MARCO: variants seen among roughly 807,000 people sequenced by gnomAD.
MARCO encodes macrophage receptor with collagenous structure.
Under a neutral mutation model 70.0 loss-of-function variants are expected in MARCO, and 72 were observed. That is an observed-to-expected ratio of 1.03 (90% confidence interval 0.85 to 1.25). The LOEUF is 1.25. Ranked by LOEUF, MARCO falls within the 50% of genes most tolerant of loss-of-function variation. The pLI, the probability that MARCO is intolerant of heterozygous loss-of-function variation, is 0.00. For missense variants in MARCO, 696 were observed against 659.3 expected (o/e 1.06, Z -0.61); for synonymous variants, 273 against 243.1 (o/e 1.12, Z -1.14).
At position 118,989,105 on chromosome 2, in the gene MARCO, C is replaced by T. The variant is rs542187651; in HGVS notation, c.1064-1484C>T. 3.1e-4 allele frequency among the ~76,000 whole-genome samples: 47 copies of T among 152,312 alleles called. 1 individual carries two copies. The highest frequency in any genetic ancestry group is 1.7e-3 in the South Asian group (8 of 4,822). On this transcript the variant is annotated intron_variant, in intron 12 of 16. Transcript: ENST00000327097. Reference sequence around the variant, plus strand: ...CTTTGGAACCACTTTGCTTTACTGCCTTGGGAGAAAGGATATCTTGTCTTG... The same window carrying T: ...CTTTGGAACCACTTTGCTTTACTGCTTTGGGAGAAAGGATATCTTGTCTTG...
At position 118,986,729 on chromosome 2, in the gene MARCO, A is replaced by AGG. The variant is rs375588236; in HGVS notation, c.1064-3859_1064-3858insGG. 5.3e-3 allele frequency among the ~76,000 whole-genome samples: 673 copies of AGG among 126,180 alleles called. 91 individuals are homozygous for AGG. The highest frequency in any genetic ancestry group is 0.023 in the African/African-American group (645 of 28,216). 82.8% of individuals were successfully genotyped at this position (126,180 alleles called of 152,430 possible). On this transcript the variant is annotated intron_variant, in intron 12 of 16. Transcript: ENST00000327097. Reference sequence around the variant, plus strand: ...AGAAAGAAAGAAAGAAAGAAAAGAAAGAAAGAAAGAGAAAGAAAGAGAAAG... The same window carrying AGG: ...AGAAAGAAAGAAAGAAAGAAAAGAAAGGGAAAGAAAGAGAAAGAAAGAGAAAG...
chr2:118,966,341 C>T (rs1680046914), intron 1 of MARCO, among the ~76,000 whole-genome samples: 1 of 152,096 alleles, frequency 6.6e-6, no homozygotes, highest in Admixed American at 6.5e-5. Flanking sequence ...CTGTTTTTAT[C>T]CTCTCATGTC....
At position 118,977,871 on chromosome 2, in the gene MARCO, G is replaced by T. The variant is rs779048147; in HGVS notation, c.702G>T (p.Gly234=). Residue 234 remains glycine, a synonymous_variant, in exon 8 of 17, where the codon GGG becomes GGT. Transcript: ENST00000327097. ...GAGAGAAGGGCAGCAAAGGCGATGGGGGTCTCATTGGCCCAAAAGGGGAAA... is the reference window on the plus strand; with the variant it reads ...GAGAGAAGGGCAGCAAAGGCGATGGTGGTCTCATTGGCCCAAAAGGGGAAA... ...PQGEKGSKGD[G]GLIGPKGETG... 4 of 1,613,066 alleles carry T rather than the reference G, an allele frequency of 2.5e-6. No individual in the cohort carries two copies. The South Asian group carries it at 4.4e-5, about 18-fold the overall frequency.
intron 4 of MARCO, among the ~76,000 whole-genome samples, chr2:118,972,362 A>G (rs1168685207): frequency 6.6e-6 from 1 of 152,180 alleles, no homozygotes; most frequent in Non-Finnish European, 1.5e-5. Context: ...GTCCCATAAT[A>G]TTTCAAGGAT....
intron 12 of MARCO, among the ~76,000 whole-genome samples, chr2:118,983,845 A>G (rs1573404429): frequency 6.6e-6 from 1 of 152,098 alleles, no homozygotes; most frequent in East Asian, 1.9e-4. Context: ...TCAACTAACC[A>G]AGAGTATTGG....
chr2:118,952,181 G>T (rs1179462716), intron 1 of MARCO, among the ~76,000 whole-genome samples: 1 of 152,094 alleles, frequency 6.6e-6, no homozygotes, highest in African/African-American at 2.4e-5. Flanking sequence ...TTTGCAGAAG[G>T]TTCAACCCCT....
chr2:118,993,045 A>C, intron 15 of MARCO, 79 bp from the exon 16 acceptor site: 1 of 1,261,288 alleles, frequency 7.9e-7, no homozygotes, highest in Non-Finnish European at 1.1e-6. Flanking sequence ...AGAACTCCAA[A>C]ATGAAAAGAA....
chr2:118,949,038 G>C (rs1487738380), intron 1 of MARCO, among the ~76,000 whole-genome samples: 2 of 152,204 alleles, frequency 1.3e-5, no homozygotes, highest in Non-Finnish European at 2.9e-5. Context: ...AGGAATGCCA[G>C]ATTTTTCCCC....
intron 1 of MARCO, among the ~76,000 whole-genome samples, chr2:118,957,621 A>G (rs879796482): frequency 3.3e-5 from 5 of 152,122 alleles, no homozygotes; most frequent in African/African-American, 4.8e-5. Flanking sequence ...CTATTCCACA[A>G]GACAGAGAAA....
chr2:118,974,273 A>G (rs1176108526), intron 4 of MARCO, 60 bp from the exon 5 acceptor site: 3 of 962,338 alleles, frequency 3.1e-6, no homozygotes, highest in Non-Finnish European at 4.9e-6. Flanking sequence ...AAGTGATTGC[A>G]TGGCGTTGTT....
At chr2:118,991,288 C>A (rs899385792) in intron 13 of MARCO, among the ~76,000 whole-genome samples, 5 of 139,000 alleles carry the variant, frequency 3.6e-5, no homozygotes, top group Non-Finnish European at 7.7e-5. Context: ...GAGACAAATT[C>A]TCTGTGTCAC....
intron 12 of MARCO, among the ~76,000 whole-genome samples, chr2:118,983,311 G>A (rs148100991): frequency 1.2e-4 from 18 of 147,862 alleles, no homozygotes; most frequent in Admixed American, 2.0e-4. Context: ...CCTCACCCCC[G>A]TGCTGTGCTA....
At chr2:118,967,225 G>C (rs1680068929) in intron 1 of MARCO, among the ~76,000 whole-genome samples, 1 of 152,232 alleles carries the variant, frequency 6.6e-6, no homozygotes, top group Admixed American at 6.5e-5. Context: ...TCCTGAAGCA[G>C]GACGGGCTCT....
chr2:118,959,970 G>A (rs899634483), intron 1 of MARCO, among the ~76,000 whole-genome samples: 3 of 151,786 alleles, frequency 2.0e-5, no homozygotes, highest in East Asian at 1.9e-4. Flanking sequence ...AGAGTGGGAG[G>A]GTGGTGACGG....
chr2:118,983,019 C>T (rs900809927), intron 12 of MARCO, among the ~76,000 whole-genome samples: 1 of 152,204 alleles, frequency 6.6e-6, no homozygotes, highest in Non-Finnish European at 1.5e-5. Context: ...AAAGTCCAGA[C>T]CACTATCACA....
rs114209923 is a variant in MARCO at position 118,991,966 on chromosome 2, G to A, written c.1207+91G>A. The stretch of plus-strand genomic sequence containing the variant: ...AAATAGGAAAGGCGCTGTTTTAAGA[G>A]TTCTGGGGATTTTCAGAACCCAGGA... On this transcript the variant is annotated intron_variant, in intron 14 of 16. Coordinates refer to ENST00000327097, the MANE Select transcript of MARCO (RefSeq NM_006770.4). 1,367 of 936,468 alleles carry A rather than the reference G, an allele frequency of 1.5e-3. 13 individuals are homozygous for A. In the African/African-American group the frequency reaches 0.017, roughly 11 times the overall value. 58.0% of individuals were successfully genotyped at this position (936,468 alleles called of 1,614,324 possible).
intron 1 of MARCO, among the ~76,000 whole-genome samples, chr2:118,953,274 A>G (rs1573377003): frequency 1.3e-5 from 2 of 152,238 alleles, no homozygotes; most frequent in South Asian, 4.1e-4. Context: ...CTTAACAAAG[A>G]GTTATTAACA....
At position 118,969,280 on chromosome 2, in the gene MARCO, T is replaced by C; in HGVS notation, c.199+19T>C. The C allele has an allele frequency of 6.2e-7, 1 of 1,605,070 alleles. No individual in the cohort carries two copies. The highest frequency in any genetic ancestry group is 8.5e-7 in the Non-Finnish European group (1 of 1,171,926). ...GTCCAAGGTAAAGCAGGCTTGGTCC[T>C]GTGTAGTCCCTCCTGGGGGGAGAGG... On this transcript the variant is annotated intron_variant, in intron 2 of 16. Transcript: ENST00000327097.
At chr2:118,993,943 C>G (rs1298814832) in intron 16 of MARCO, among the ~76,000 whole-genome samples, 1 of 152,156 alleles carries the variant, frequency 6.6e-6, no homozygotes, top group Non-Finnish European at 1.5e-5. Flanking sequence ...GCCAGTTTCC[C>G]TTGCTCCCAG....
Sources: allele counts gnomAD v4.1 joint callset (sites outside exome capture counted in the v4.1 genomes callset), GRCh38; gene constraint gnomAD v4.1.1; transcripts MANE v1.5; gene names NCBI Gene and HGNC (gene_info 2026-07-23, HGNC 2026-07-21).